MARK2: variants seen among roughly 807,000 people sequenced by gnomAD.
MARK2 encodes microtubule affinity regulating kinase 2.
In MARK2, 16 loss-of-function variants were observed where a neutral mutation model predicts 89.8. The observed-to-expected ratio is 0.18, with a 90% CI of 0.12 to 0.27. MARK2 has a LOEUF of 0.27. MARK2 is among the 10% of genes least tolerant of loss of function. MARK2 has a pLI of 1.00. For missense variants in MARK2, 621 were observed against 1,049.9 expected, an observed-to-expected ratio of 0.59 and a Z score of 5.65; for synonymous variants, 382 against 399.5, an observed-to-expected ratio of 0.96 and a Z score of 0.52.
intron 1 of MARK2, among the ~76,000 whole-genome samples, chr11:63,862,730 C>G (rs975031717): frequency 1.3e-5 from 2 of 152,146 alleles, no homozygotes; most frequent in Admixed American, 6.5e-5. Flanking sequence ...GCCCCGAGTC[C>G]TAAAATTGAT....
chr11:63,871,656 G>C (rs1166764112), intron 1 of MARK2, among the ~76,000 whole-genome samples: 3 of 132,652 alleles, frequency 2.3e-5, no homozygotes, highest in Admixed American at 7.4e-5. Context: ...ACTGTGTGCA[G>C]GTGTGGGTGA....
chr11:63,896,183 T>G (rs916008850), intron 3 of MARK2, among the ~76,000 whole-genome samples: 1 of 152,232 alleles, frequency 6.6e-6, no homozygotes, highest in Non-Finnish European at 1.5e-5. Flanking sequence ...CTGGCTCTTG[T>G]GAAGTCTTTC....
chr11:63,890,230 C>G, intron 1 of MARK2: 1 of 1,311,824 alleles, frequency 7.6e-7, no homozygotes, highest in Non-Finnish European at 1.0e-6. Flanking sequence ...AGTGGCTTGC[C>G]TCCTTACCCT....
At chr11:63,844,840 T>C (rs2016196811) in intron 1 of MARK2, among the ~76,000 whole-genome samples, 1 of 152,232 alleles carries the variant, frequency 6.6e-6, no homozygotes, top group Middle Eastern at 3.2e-3. Flanking sequence ...CTTCATGAAC[T>C]CTTTCCCATT....
intron 1 of MARK2, among the ~76,000 whole-genome samples, chr11:63,848,373 C>A (rs575210791): frequency 6.6e-6 from 1 of 152,070 alleles, no homozygotes; most frequent in Admixed American, 6.6e-5. Flanking sequence ...TTTTTCTCCA[C>A]CTTCTTTTTG....
At position 63,888,839 on chromosome 11, in the gene MARK2, C is replaced by T. The variant is rs549555318; in HGVS notation, c.55-6320C>T. 5.3e-4 allele frequency: 684 copies of T among 1,299,920 alleles called. 2 individuals carry two copies. The Middle Eastern group carries it at 0.012, about 23-fold the overall frequency. 80.5% of individuals were successfully genotyped at this position (1,299,920 alleles called of 1,614,324 possible). Reference sequence around the variant, plus strand: ...GCTGAGTAAGGGTGGCTGGCTGAGCCGGCAGCCCCCGCCCTAGGCCTGGCT... The same window carrying T: ...GCTGAGTAAGGGTGGCTGGCTGAGCTGGCAGCCCCCGCCCTAGGCCTGGCT... On this transcript the variant is annotated intron_variant, in intron 1 of 18. Transcript: ENST00000402010.
chr11:63,902,764 C>T lies in MARK2; in HGVS notation c.1398C>T (p.Thr466=). The T allele has an allele frequency of 6.2e-7, 1 of 1,612,556 alleles. No individual in the cohort carries two copies. Among genetic ancestry groups the T allele is most frequent in the Non-Finnish European group, 8.5e-7 (1 of 1,179,538 alleles). ...SPLPGLERKK[T]TPTPSTNSVL... ...TGCCCGGTCTGGAGAGGAAGAAGAC[C>T]ACCCCAACCCCCTCCACGGTGAGCC... Residue 466 remains threonine, a synonymous_variant, in exon 13 of 19, where the codon ACC becomes ACT. Coordinates refer to ENST00000402010, the MANE Select transcript of MARK2 (RefSeq NM_001039469.3). The surrounding 1 kb of genome is among the most constrained non-coding windows in gnomAD (Gnocchi z 4.2).
chr11:63,877,068 TC>T (rs1054872422), intron 1 of MARK2, among the ~76,000 whole-genome samples: 23 of 150,816 alleles, frequency 1.5e-4, no homozygotes, highest in African/African-American at 5.4e-4. Flanking sequence ...CTTGGGCCAT[TC>T]CCTTCTCTTA....
intron 1 of MARK2, among the ~76,000 whole-genome samples, chr11:63,882,378 G>A (rs1939144884): frequency 6.6e-6 from 1 of 152,054 alleles, no homozygotes. Context: ...GAGATCAGGA[G>A]TTCGAGACTA....
Position 63,865,226 on chromosome 11 carries a change from T to C in MARK2, c.54+25666T>C, listed in dbSNP as rs374336207. ...GTTATGTGCCATTTCTAAACTACTTTAGAACCCATCTCTTTGGTGTTTGTT... is the reference window on the plus strand; with the variant it reads ...GTTATGTGCCATTTCTAAACTACTTCAGAACCCATCTCTTTGGTGTTTGTT... On this transcript the variant is annotated intron_variant, in intron 1 of 18. Coordinates refer to ENST00000402010, the MANE Select transcript of MARK2 (RefSeq NM_001039469.3). 1.4e-3 allele frequency among the ~76,000 whole-genome samples: 217 copies of C among 152,306 alleles called. 1 individual carries two copies. Among genetic ancestry groups the C allele is most frequent in the African/African-American group, 4.9e-3 (204 of 41,568 alleles).
At position 63,910,124 on chromosome 11, in the gene MARK2, G is replaced by C. The variant is rs1941656864; in HGVS notation, c.*887G>C. The C allele has an allele frequency of 6.6e-6, 1 of 152,344 alleles. No homozygotes were observed. Among genetic ancestry groups the C allele is most frequent in the Non-Finnish European group, 1.5e-5 (1 of 68,140 alleles). The allele number at this position is 152,344 out of a possible 1,614,324, so 9.4% of individuals were successfully genotyped here. ...GGCAGACTGGCTTCTCGGTCCCCAG[G>C]GGGCCGCTTGGGCTGTTGGTCTCCA... On this transcript the variant is annotated 3_prime_UTR_variant, in exon 19 of 19. Coordinates refer to ENST00000402010, the MANE Select transcript of MARK2 (RefSeq NM_001039469.3).
chr11:63,892,501 G>T (rs369788664), intron 1 of MARK2, among the ~76,000 whole-genome samples: 1 of 152,026 alleles, frequency 6.6e-6, no homozygotes, highest in Non-Finnish European at 1.5e-5. Context: ...AGTGCTTCAC[G>T]TACAGCCAGC....
chr11:63,878,557 G>A (rs888562809), intron 1 of MARK2, among the ~76,000 whole-genome samples: 5 of 151,718 alleles, frequency 3.3e-5, no homozygotes, highest in African/African-American at 4.8e-5. Flanking sequence ...TTTTAGTAGA[G>A]ACAGGATTTC....
rs1177362342 is a variant in MARK2 at position 63,902,747 on chromosome 11, C to T, written c.1381C>T (p.Leu461=). ...GGTGCCTGCCAGCCCCCTGCCCGGT[C>T]TGGAGAGGAAGAAGACCACCCCAAC... The part of the protein sequence containing the change: ...AKVPASPLPG[L]ERKKTTPTPS... The change falls in exon 13 of 19, where the codon CTG becomes TTG. Residue 461 remains leucine (L), a synonymous_variant. Transcript: ENST00000402010. This position sits in a 1 kb window ranked among gnomAD's most constrained non-coding sequence, Gnocchi z 4.2. 3 of 1,613,638 alleles carry T rather than the reference C, an allele frequency of 1.9e-6. No individual in the cohort carries two copies. Among genetic ancestry groups the T allele is most frequent in the Non-Finnish European group, 1.7e-6 (2 of 1,179,990 alleles).
At position 63,839,477 on chromosome 11, in the gene MARK2, C is replaced by A. The variant is rs1215080164; in HGVS notation, c.-30C>A. Reference sequence around the variant, plus strand: ...CCCTTCCCTCCCTTCCTCCAAGCTTCTCGGTTCCCTCCCCCGAGATACCGG... The same window carrying A: ...CCCTTCCCTCCCTTCCTCCAAGCTTATCGGTTCCCTCCCCCGAGATACCGG... On this transcript the variant is annotated 5_prime_UTR_variant, in exon 1 of 19. Transcript: ENST00000402010. 8 of 1,465,762 alleles carry A rather than the reference C, an allele frequency of 5.5e-6. No homozygotes were observed. Among genetic ancestry groups the A allele is most frequent in the Non-Finnish European group, 7.4e-6 (8 of 1,078,024 alleles). 90.8% of individuals were successfully genotyped at this position (1,465,762 alleles called of 1,614,324 possible).
At position 63,893,589 on chromosome 11, in the gene MARK2, T is replaced by G. The variant is rs573774912; in HGVS notation, c.55-1570T>G. Among the ~76,000 whole-genome samples the G allele has an allele frequency of 4.6e-5, 7 of 152,220 alleles. No individual in the cohort carries two copies. In the South Asian group the frequency reaches 1.5e-3, roughly 32 times the overall value. On this transcript the variant is annotated intron_variant, in intron 1 of 18. Transcript: ENST00000402010. ...TGAGGAGCGGAATTGCTGGCTCATA[T>G]AGTCTGTGTTTAGCACTTTGAGGAA...
In MARK2 at chr11:63,894,983, G is replaced by A. The variant is rs147095315; in HGVS notation, c.55-176G>A. 9.0e-3 allele frequency among the ~76,000 whole-genome samples: 1,363 copies of A among 152,246 alleles called. 25 individuals are homozygous for A. Among genetic ancestry groups the A allele is most frequent in the African/African-American group, 0.03 (1,229 of 41,532 alleles). ...ACCTTATGATGTGCTTCTCTGGAGT[G>A]AAGACTGGCTGTCACCTCAGCCCCC... is the stretch of plus-strand genomic sequence containing the variant. On this transcript the variant is annotated intron_variant, in intron 1 of 18. Transcript: ENST00000402010.
intron 3 of MARK2, 39 bp from the exon 4 acceptor site, chr11:63,898,193 A>T: frequency 1.3e-6 from 2 of 1,588,724 alleles, no homozygotes; most frequent in Non-Finnish European, 1.7e-6. Flanking sequence ...TGATGGGAGC[A>T]AGTTGGGCAG....
At chr11:63,895,657 CCTTTTTTTTTTT>C (rs1471387165) in intron 3 of MARK2, 24 bp downstream of exon 3, 16 of 1,420,732 alleles carry the variant, frequency 1.1e-5, no homozygotes, top group Admixed American at 2.0e-5. Context: ...ACCTCCTGTC[CCTTTTTTTTTTT>C]TTTTTTTTTT....
Sources: gnomAD v4.1 joint callset for allele counts (sites outside exome capture counted in the v4.1 genomes callset) on GRCh38, gnomAD v4.1.1 for gene constraint, Gnocchi (gnomAD v3.1) non-coding constraint, MANE v1.5 for transcripts, NCBI Gene and HGNC (gene_info 2026-07-23, HGNC 2026-07-21) for gene names.